The following TTN variants were observed in gnomAD, a reference collection of about 807,000 sequenced individuals.
TTN encodes titin, also known as connectin.
TTN carries 1,525 observed loss-of-function variants against 3,223.0 expected under a neutral mutation model. The ratio of observed to expected loss-of-function variants is 0.47; its 90% confidence interval spans 0.45 to 0.49. TTN has a LOEUF of 0.49. Among genes scored for constraint, TTN ranks in the 20% least tolerant of loss-of-function variants. The pLI is 0.00. For missense variants in TTN, 40,786 were observed against 43,424.0 expected (o/e 0.94, Z 5.40); for synonymous variants, 14,094 against 15,161.0 (o/e 0.93, Z 5.17).
rs2154230691 is a variant in TTN, at chr2:178,636,242, C to A, written c.41330-1G>T. ...GTTTTTACAAAACGCACAGGAAGTT[C>A]TATGGAGAATTTCAGTATATATTTC... is the stretch of plus-strand genomic sequence containing the variant. On this transcript the variant is annotated splice_acceptor_variant, in intron 225 of 362. Coordinates refer to ENST00000589042, the MANE Select transcript of TTN (RefSeq NM_001267550.2). LOFTEE classifies it high-confidence loss of function. The surrounding 1 kb of genome is among the most constrained non-coding windows in gnomAD (Gnocchi z 4.3). The A allele has an allele frequency of 6.5e-7, 1 of 1,542,168 alleles. No homozygotes were observed. The highest frequency in any genetic ancestry group is 1.3e-5 in the South Asian group (1 of 79,660).
chr2:178,766,325 CA>C, intron 41 of TTN, 55 bp downstream of exon 41: 1 of 1,358,532 alleles, frequency 7.4e-7, no homozygotes, highest in Non-Finnish European at 1.1e-6. Context: ...GTGACTTAAA[CA>C]GGAGGATTAT....
chr2:178,568,284 G>T lies in TTN; in HGVS notation c.77848C>A (p.Leu25950Ile). ...CCAGTTTTCAGTTTGGTCACTTTGA[G>T]TGTAGTTCTAGCAACAGTAGCAGAA... Reference protein sequence around the residue: ...VVSATVARTTLKVTKLKTGTE... With the variant: ...VVSATVARTTIKVTKLKTGTE... Residue 25950 changes from leucine to isoleucine, a missense_variant, in exon 326 of 363, where the codon CTC becomes ATC. Transcript: ENST00000589042. The T allele has an allele frequency of 6.2e-7, 1 of 1,613,492 alleles. No homozygotes were observed. The highest frequency in any genetic ancestry group is 8.5e-7 in the Non-Finnish European group (1 of 1,179,626).
At chr2:178,799,192 C>G (rs1034429112) in intron 6 of TTN, 7 of 400,326 alleles carry the variant, frequency 1.7e-5, no homozygotes, top group African/African-American at 1.0e-4. Context: ...CCTGCCTTCC[C>G]GCCCAAATGT....
Position 178,577,869 on chromosome 2 carries a change from T to G in TTN, c.68557A>C (p.Ile22853Leu). ...ATGAGAGTCACTGAATTCCTTGTTA[T>G]GTTAATAACCTCAGGTTTTCCAGGA... is the stretch of plus-strand genomic sequence containing the variant. ...DPPGKPEVIN[I>L]TRNSVTLIWT... is the part of the protein sequence containing the mutation. Residue 22853 changes from isoleucine (I) to leucine (L), a missense_variant, in exon 323 of 363, where the codon ATA (isoleucine) becomes CTA (leucine). Physicochemically the swap from Ile to Leu is conservative, Grantham distance 5 (BLOSUM62 2). Coordinates refer to ENST00000589042, the MANE Select transcript of TTN (RefSeq NM_001267550.2). 6.3e-7 allele frequency: 1 copy of G among 1,592,696 alleles called. No homozygotes were observed. Among genetic ancestry groups the G allele is most frequent in the Non-Finnish European group, 8.6e-7 (1 of 1,169,514 alleles).
intron 92 of TTN, 115 bp downstream of exon 92, chr2:178,713,782 A>G: frequency 2.2e-6 from 3 of 1,335,666 alleles, no homozygotes; most frequent in Non-Finnish European, 3.0e-6. Flanking sequence ...TTGCTGATTC[A>G]GAAGATGTCG....
rs1164269030 is a variant in TTN, at chr2:178,557,508, C to T, written c.87754G>A (p.Glu29252Lys). The change falls in exon 329 of 363, where the codon GAA becomes AAA. Residue 29252 changes from glutamate to lysine, a missense_variant. Glu to Lys is a moderately conservative substitution (Grantham distance 56). Coordinates refer to ENST00000589042, the MANE Select transcript of TTN (RefSeq NM_001267550.2). Reference protein sequence around the residue: ...STPWVTNVTRESITVGWHEPV... With the variant: ...STPWVTNVTRKSITVGWHEPV... ...TCATGCCAGCCCACAGTGATGCTTT[C>T]TCGAGTAACATTAGTGACCCATGGT... The T allele has an allele frequency of 1.9e-6, 3 of 1,613,816 alleles. No homozygotes were observed. Among genetic ancestry groups the T allele is most frequent in the African/African-American group, 2.7e-5 (2 of 74,936 alleles).
rs1451623139 is a variant in TTN, at chr2:178,599,816, C to T, written c.56085G>A (p.Glu18695=). ...PPSIDLKEFM[E]VEEGTNVNIV... ...TGTTAACATTGGTTCCTTCTTCAAC[C>T]TCCATGAATTCTTTTAGATCAATTG... The change falls in exon 289 of 363, where the codon GAG becomes GAA. Residue 18695 remains glutamate, a synonymous_variant. Transcript: ENST00000589042. 6.2e-7 allele frequency: 1 copy of T among 1,600,538 alleles called. No homozygotes were observed. Among genetic ancestry groups the T allele is most frequent in the African/African-American group, 1.4e-5 (1 of 73,986 alleles).
chr2:178,623,006 G>A (rs1273722618), intron 242 of TTN, among the ~76,000 whole-genome samples: 1 of 151,890 alleles, frequency 6.6e-6, no homozygotes, highest in Non-Finnish European at 1.5e-5. Flanking sequence ...GTGCATGTGT[G>A]TGTGTACAGT....
Position 178,528,835 on chromosome 2 carries a change from A to G in TTN, c.106916T>C (p.Val35639Ala). The change falls in exon 360 of 363, where the codon GTA (valine) becomes GCA (alanine). Residue 35639 changes from valine (V) to alanine (A), a missense_variant. Transcript: ENST00000589042. ...GTTGGTAAGCTCTACGCCATTCAGT[A>G]CCCATTTCACATCAGTGGCACCAGC... ...NIAGATDVKW[V>A]LNGVELTNSE... 6.2e-7 allele frequency: 1 copy of G among 1,613,950 alleles called. No homozygotes were observed. Among genetic ancestry groups the G allele is most frequent in the Non-Finnish European group, 8.5e-7 (1 of 1,179,872 alleles).
chr2:178,632,331 A>G lies in TTN; in HGVS notation c.43563T>C (p.Ser14521=). ...KESAVFTVEL[S]HDNIRVKWFK... ...ACCATTTAACTCGGATGTTATCATG[A>G]GATAACTCCACAGTAAATACAGCAC... Residue 14521 remains serine, a synonymous_variant, in exon 236 of 363, where the codon TCT becomes TCC. Coordinates refer to ENST00000589042, the MANE Select transcript of TTN (RefSeq NM_001267550.2). 1 of 1,606,716 alleles carries G rather than the reference A, an allele frequency of 6.2e-7. No homozygotes were observed. The highest frequency in any genetic ancestry group is 8.5e-7 in the Non-Finnish European group (1 of 1,176,246).
Position 178,799,867 on chromosome 2 carries a change from C to G in TTN, c.627G>C (p.Ser209=), listed in dbSNP as rs201942184. 2.5e-5 allele frequency: 40 copies of G among 1,614,066 alleles called. 1 individual carries two copies. In the South Asian group the frequency reaches 4.3e-4, roughly 17 times the overall value. The change falls in exon 5 of 363, where the codon TCG becomes TCC. Residue 209 remains serine, a synonymous_variant. Transcript: ENST00000589042. The part of the protein sequence containing the change: ...VPAKKTKTIV[S]TAQISESRQT... ...GTCTTGATTCTGAGATCTGAGCAGT[C>G]GAAACAATTGTCTTTGTCTTTTTAG...
chr2:178,530,669 C>G lies in TTN; in HGVS notation c.105946G>C (p.Glu35316Gln). 6.2e-7 allele frequency: 1 copy of G among 1,613,994 alleles called. No individual in the cohort carries two copies. The highest frequency in any genetic ancestry group is 8.5e-7 in the Non-Finnish European group (1 of 1,179,896). ...VVESSVLRAK[E>Q]VTWYKDGKKL... ...TTGCCATCTTTATACCAGGTGACCT[C>G]TTTTGCCCTTAATACACTGCTTTCA... The change falls in exon 358 of 363, where the codon GAG (glutamate) becomes CAG (glutamine). Residue 35316 changes from glutamate (E) to glutamine (Q), a missense_variant. Transcript: ENST00000589042.
In TTN at chr2:178,565,412, G is replaced by T. The variant is rs375693686; in HGVS notation, c.80720C>A (p.Pro26907Gln). The T allele has an allele frequency of 1.1e-5, 18 of 1,613,332 alleles. No individual in the cohort carries two copies. In the African/African-American group the frequency reaches 2.3e-4, roughly 20 times the overall value. The stretch of plus-strand genomic sequence containing the variant: ...TTTGACCCAAGAAATGTTAGGTCTT[G>T]GTCGGCCTATAACTGGAATTTCTAT... ...LKIEIPVIGR[P>Q]RPNISWVKDG... is the part of the protein sequence containing the mutation. The change falls in exon 326 of 363, where the codon CCA becomes CAA. Residue 26907 changes from proline to glutamine, a missense_variant. By Grantham distance (76) the Pro-to-Gln change is moderately conservative. Transcript: ENST00000589042.
In TTN at chr2:178,583,088, T is replaced by G. The variant is rs574615636; in HGVS notation, c.65715A>C (p.Lys21905Asn). 5.6e-6 allele frequency: 9 copies of G among 1,611,468 alleles called. No homozygotes were observed. In the South Asian group the frequency reaches 7.7e-5, roughly 14 times the overall value. ...TGGCCATCTTTATGCCTTCTGCTGG[T>G]TTTAGCAGTGTGCCATCTTTTTTCC... ...VSWKKDGTLLKPAEGIKMAMQ... is the reference protein window; with the variant it reads ...VSWKKDGTLLNPAEGIKMAMQ... Residue 21905 changes from lysine (K) to asparagine (N), a missense_variant, in exon 313 of 363, where the codon AAA becomes AAC. Lys to Asn is a moderately conservative substitution (Grantham distance 94, BLOSUM62 0). Transcript: ENST00000589042.
chr2:178,792,765 C>T (rs905988464), intron 9 of TTN, among the ~76,000 whole-genome samples: 2 of 152,206 alleles, frequency 1.3e-5, no homozygotes, highest in African/African-American at 4.8e-5. Flanking sequence ...TCAAATATCT[C>T]ATCACTGAAA....
Position 178,547,820 on chromosome 2 carries a change from T to C in TTN, c.93806A>G (p.Asp31269Gly). The C allele has an allele frequency of 6.2e-7, 1 of 1,613,906 alleles. No homozygotes were observed. The highest frequency in any genetic ancestry group is 2.2e-5 in the East Asian group (1 of 44,850). ...TDRVSITTTKDRTTLTVKDSM... is the reference protein window; with the variant it reads ...TDRVSITTTKGRTTLTVKDSM... ...GTCCTTTACAGTCAGTGTGGTTCTG[T>C]CTTTTGTTGTTGTAATGCTCACTCG... The change falls in exon 339 of 363, where the codon GAC (aspartate) becomes GGC (glycine). Residue 31269 changes from aspartate to glycine, a missense_variant. Asp to Gly is a moderately conservative substitution (Grantham distance 94). Transcript: ENST00000589042.
chr2:178,788,245 G>A (rs1370498011), intron 13 of TTN, among the ~76,000 whole-genome samples: 1 of 152,026 alleles, frequency 6.6e-6, no homozygotes, highest in African/African-American at 2.4e-5. Context: ...CTAGTCATTG[G>A]CGGTGTGGCT....
intron 1 of TTN, among the ~76,000 whole-genome samples, chr2:178,806,937 T>A (rs576366803): frequency 6.8e-4 from 103 of 152,340 alleles, no homozygotes; most frequent in African/African-American, 2.2e-3. Context: ...TCTCTCAACA[T>A]TTCAGACCTC....
chr2:178,532,772 A>G lies in TTN; in HGVS notation c.103843T>C (p.Tyr34615His). The change falls in exon 358 of 363, where the codon TAC becomes CAC. Residue 34615 changes from tyrosine to histidine, a missense_variant. Coordinates refer to ENST00000589042, the MANE Select transcript of TTN (RefSeq NM_001267550.2). ...VMPLPRITDQ[Y>H]RPKWRIPKLS... The stretch of plus-strand genomic sequence containing the variant: ...TTAGGAATACGCCATTTAGGTCTGT[A>G]TTGATCTGTAATGCGTGGAAGAGGC... 3 of 1,613,946 alleles carry G rather than the reference A, an allele frequency of 1.9e-6. No individual in the cohort carries two copies. Among genetic ancestry groups the G allele is most frequent in the Non-Finnish European group, 2.5e-6 (3 of 1,179,854 alleles).
Sources: gnomAD v4.1 joint callset for allele counts (sites outside exome capture counted in the v4.1 genomes callset) on GRCh38, gnomAD v4.1.1 for gene constraint, Gnocchi (gnomAD v3.1) non-coding constraint, MANE v1.5 for transcripts, NCBI Gene and HGNC (gene_info 2026-07-23, HGNC 2026-07-21) for gene names.